The following IL1RAPL2 variants were observed in gnomAD, a reference collection of about 807,000 sequenced individuals.
IL1RAPL2 encodes the protein interleukin 1 receptor accessory protein like 2.
A neutral mutation model predicts 44.1 loss-of-function variants in IL1RAPL2; 3 were observed. The ratio of observed to expected loss-of-function variants is 0.07; its 90% CI spans 0.03 to 0.18. IL1RAPL2 has a LOEUF of 0.18. Ranked by LOEUF, IL1RAPL2 falls within the 10% of genes least tolerant of loss-of-function variation. The probability of loss-of-function intolerance (pLI) is 1.00; values close to 1 mark genes in which losing one functional copy is unlikely to be tolerated. For missense variants in IL1RAPL2, 391 were observed against 496.4 expected, an observed-to-expected ratio of 0.79 and a Z score of 2.02; for synonymous variants, 181 against 178.8, an observed-to-expected ratio of 1.01 and a Z score of -0.10.
intron 6 of IL1RAPL2, among the ~76,000 whole-genome samples, chrX:105,712,012 T>C (rs1488580001): frequency 9.0e-6 from 1 of 111,715 alleles, no homozygotes; most frequent in African/African-American, 3.3e-5. Flanking sequence ...TACTCAGCAA[T>C]TCTCACAGGT....
At chrX:105,000,703 T>A (rs1325900838) in intron 2 of IL1RAPL2, among the ~76,000 whole-genome samples, 1 of 112,095 alleles carries the variant, frequency 8.9e-6, no homozygotes, top group Non-Finnish European at 1.9e-5. Context: ...TAATCTCTGG[T>A]ACTTTTTAAA....
At chrX:105,196,991 C>T (rs1412872057) in intron 3 of IL1RAPL2, among the ~76,000 whole-genome samples, 1 of 111,397 alleles carries the variant, frequency 9.0e-6, no homozygotes, top group African/African-American at 3.3e-5. Context: ...AAGCCCCTGG[C>T]GAGGTCTCAT....
chrX:104,920,524 CCCCT>C (rs1924604706), intron 2 of IL1RAPL2, among the ~76,000 whole-genome samples: 1 of 25,449 alleles, frequency 3.9e-5, no homozygotes, highest in Non-Finnish European at 7.6e-5. Context: ...TGTGGCCCCT[CCCCT>C]CCCCTCCCCT....
At chrX:105,190,391 A>T (rs782402742) in intron 2 of IL1RAPL2, among the ~76,000 whole-genome samples, 8 of 112,491 alleles carry the variant, frequency 7.1e-5, no homozygotes, top group Non-Finnish European at 1.3e-4. Flanking sequence ...TTTAAAGCTT[A>T]TGTGGGGAAA....
chrX:105,290,295 T>G (rs188217932), intron 5 of IL1RAPL2, among the ~76,000 whole-genome samples: 26 of 111,494 alleles, frequency 2.3e-4, no homozygotes, highest in African/African-American at 8.1e-4. Context: ...ATGAGATGCA[T>G]TAACAATGAT....
chrX:104,978,769 A>G (rs748314757), intron 2 of IL1RAPL2, among the ~76,000 whole-genome samples: 1 of 112,140 alleles, frequency 8.9e-6, no homozygotes, highest in East Asian at 2.8e-4. Flanking sequence ...GCTAAAACCT[A>G]GCAATATAAT....
At chrX:105,563,907 A>T (rs934026581) in intron 6 of IL1RAPL2, among the ~76,000 whole-genome samples, 1 of 112,083 alleles carries the variant, frequency 8.9e-6, no homozygotes, top group African/African-American at 3.2e-5. Flanking sequence ...TCCTCAATCT[A>T]TTCTCTGACA....
intron 5 of IL1RAPL2, among the ~76,000 whole-genome samples, chrX:105,276,696 A>G (rs906562648): frequency 5.3e-5 from 6 of 112,422 alleles, no homozygotes; most frequent in Non-Finnish European, 1.1e-4. Flanking sequence ...GCTAAATTCA[A>G]CATGGGGACT....
In IL1RAPL2 at chrX:105,436,918, G is replaced by A. The variant is rs747052794; in HGVS notation, c.698-47395G>A. Among the ~76,000 whole-genome samples, 3 of 108,507 alleles carry A rather than the reference G, an allele frequency of 2.8e-5. No individual in the cohort carries two copies. In the South Asian group the frequency reaches 1.2e-3, roughly 43 times the overall value. The allele number at this position is 108,507 out of a possible 115,157, so 94.2% of individuals were successfully genotyped here. On this transcript the variant is annotated intron_variant, in intron 5 of 10. Coordinates refer to ENST00000372582, the MANE Select transcript of IL1RAPL2 (RefSeq NM_017416.2). ...AGACCAGGAAGGGAAATCTTACATG[G>A]AACAATAAAAATAAGTGTCTTGAAA... is the stretch of plus-strand genomic sequence containing the variant.
At chrX:105,338,384 A>G (rs1252344357) in intron 5 of IL1RAPL2, among the ~76,000 whole-genome samples, 1 of 112,172 alleles carries the variant, frequency 8.9e-6, no homozygotes, top group Non-Finnish European at 1.9e-5. Flanking sequence ...GAATAATGCA[A>G]CAAACATAGA....
chrX:104,687,544 T>C (rs937935783), intron 2 of IL1RAPL2, among the ~76,000 whole-genome samples: 9 of 111,349 alleles, frequency 8.1e-5, no homozygotes, highest in Non-Finnish European at 1.3e-4. Context: ...AATTTCAACA[T>C]GAGATTTGGT....
intron 2 of IL1RAPL2, among the ~76,000 whole-genome samples, chrX:104,906,470 A>G (rs1467810630): frequency 1.3e-4 from 15 of 111,506 alleles, no homozygotes; most frequent in Non-Finnish European, 2.3e-4. Flanking sequence ...TTATTTTGAA[A>G]TAACGTCCCA....
intron 6 of IL1RAPL2, among the ~76,000 whole-genome samples, chrX:105,607,425 C>A (rs1234309657): frequency 9.4e-6 from 1 of 106,855 alleles, no homozygotes; most frequent in Admixed American, 1.0e-4. Flanking sequence ...TTTCTGCTTT[C>A]CAATACATTA....
intron 3 of IL1RAPL2, among the ~76,000 whole-genome samples, chrX:105,196,767 A>C (rs199817654): frequency 1.8e-5 from 2 of 111,559 alleles, no homozygotes; most frequent in East Asian, 5.7e-4. Flanking sequence ...CTAGCATCTC[A>C]AATAGAGACT....
rs151047085 is a variant in IL1RAPL2, at chrX:104,721,441, A to G, written c.82+62446A>G. On this transcript the variant is annotated intron_variant, in intron 2 of 10. Coordinates refer to ENST00000372582, the MANE Select transcript of IL1RAPL2 (RefSeq NM_017416.2). ...AACCAACTCAGAAACAGAAAACCAG[A>G]CACCACATGTTCTCACTTATAAGTG... Among the ~76,000 whole-genome samples, 711 of 110,660 alleles carry G rather than the reference A, an allele frequency of 6.4e-3. 3 individuals are homozygous for G. The highest frequency in any genetic ancestry group is 0.022 in the African/African-American group (674 of 30,460).
At chrX:105,174,601 G>C (rs1326925989) in intron 2 of IL1RAPL2, among the ~76,000 whole-genome samples, 2 of 111,526 alleles carry the variant, frequency 1.8e-5, no homozygotes, top group Non-Finnish European at 3.8e-5. Flanking sequence ...ACCTGGGCTA[G>C]TAGGAAGCTA....
intron 2 of IL1RAPL2, among the ~76,000 whole-genome samples, chrX:104,780,643 T>TA (rs1411591325): frequency 9.0e-6 from 1 of 111,685 alleles, no homozygotes; most frequent in Non-Finnish European, 1.9e-5. Flanking sequence ...TTGGCAAAAA[T>TA]AAAAAATAAT....
intron 2 of IL1RAPL2, among the ~76,000 whole-genome samples, chrX:104,825,310 T>C (rs1921423243): frequency 8.9e-6 from 1 of 111,951 alleles, no homozygotes; most frequent in South Asian, 3.7e-4. Context: ...CCGCTAACAG[T>C]GCAGCCCTGC....
At chrX:105,007,429 A>T (rs2030962499) in intron 2 of IL1RAPL2, among the ~76,000 whole-genome samples, 1 of 111,633 alleles carries the variant, frequency 9.0e-6, no homozygotes, top group African/African-American at 3.2e-5. Context: ...TCTCAATAAA[A>T]TTCCATAGGC....
Sources: gnomAD v4.1 joint callset for allele counts (sites outside exome capture counted in the v4.1 genomes callset) on GRCh38, gnomAD v4.1.1 for gene constraint, MANE v1.5 for transcripts, NCBI Gene and HGNC (gene_info 2026-07-23, HGNC 2026-07-21) for gene names.